TMPRSS15: variants seen among roughly 807,000 people sequenced by gnomAD.
TMPRSS15 encodes transmembrane serine protease 15.
Under a neutral mutation model 125.3 loss-of-function variants are expected in TMPRSS15, and 128 were observed. The observed-to-expected ratio is 1.02, with a 90% CI of 0.89 to 1.18. TMPRSS15 has a LOEUF of 1.18. Among genes scored for constraint, TMPRSS15 ranks in the 50% most tolerant of loss-of-function variants. The probability of loss-of-function intolerance (pLI) is 0.00; values close to 1 mark genes in which losing one functional copy is unlikely to be tolerated. For synonymous variants in TMPRSS15, 446 were observed against 423.2 expected (o/e 1.05, Z -0.66); for missense variants, 1,283 against 1,212.7 (o/e 1.06, Z -0.86).
Position 18,326,583 on chromosome 21 carries a change from G to A in TMPRSS15, c.1781-11C>T. ...GCCCTGTGTACACAGCTGTTCCAAA[G>A]GAAAACGAGATAATCAGTGAGATGA... On this transcript the variant is annotated splice_polypyrimidine_tract_variant and intron_variant, in intron 15 of 24. Transcript: ENST00000284885. 6.2e-7 allele frequency: 1 copy of A among 1,614,022 alleles called. No homozygotes were observed. The highest frequency in any genetic ancestry group is 2.2e-5 in the East Asian group (1 of 44,868).
intron 22 of TMPRSS15, among the ~76,000 whole-genome samples, chr21:18,279,582 C>T (rs1253740313): frequency 6.6e-6 from 1 of 151,542 alleles, no homozygotes; most frequent in Non-Finnish European, 1.5e-5. Flanking sequence ...GATCTGCCCA[C>T]CTCGGCCTCC....
chr21:18,314,908 A>G (rs2075145050), intron 17 of TMPRSS15, among the ~76,000 whole-genome samples: 1 of 152,116 alleles, frequency 6.6e-6, no homozygotes, highest in Admixed American at 6.6e-5. Flanking sequence ...GTTGCTCTAG[A>G]ATTACAGTTA....
rs1279395521 is a variant in TMPRSS15 at position 18,315,084 on chromosome 21, A to G, written c.2032+62T>C. ...GACACAGTTATAATCTTTCTTTGAC[A>G]CTGTAGAGTCCAAATGCAGAGGCTA... On this transcript the variant is annotated intron_variant, in intron 17 of 24. Transcript: ENST00000284885. The G allele has an allele frequency of 3.1e-6, 4 of 1,274,718 alleles. No homozygotes were observed. In the Admixed American group the frequency reaches 6.7e-5, roughly 21 times the overall value. 79.0% of individuals were successfully genotyped at this position (1,274,718 alleles called of 1,614,324 possible). A position where few individuals can be genotyped will look rare whatever the true frequency, so the allele number is the denominator to read the frequency against.
intron 16 of TMPRSS15, among the ~76,000 whole-genome samples, chr21:18,322,658 T>C (rs2075251094): frequency 1.3e-5 from 2 of 152,176 alleles, no homozygotes; most frequent in African/African-American, 2.4e-5. Flanking sequence ...CTCATTCATA[T>C]GTGGGAGCTA....
At chr21:18,383,466 C>T (rs895996829) in intron 4 of TMPRSS15, among the ~76,000 whole-genome samples, 161 bp downstream of exon 4, 2 of 152,126 alleles carry the variant, frequency 1.3e-5, no homozygotes, top group African/African-American at 2.4e-5. Context: ...TCTTCAAATG[C>T]GGTTTCTTCA....
At chr21:18,352,375 G>A (rs1038843871) in intron 10 of TMPRSS15, among the ~76,000 whole-genome samples, 1 of 152,042 alleles carries the variant, frequency 6.6e-6, no homozygotes, top group Non-Finnish European at 1.5e-5. Flanking sequence ...CTCAGAAGAA[G>A]CAAGTCTATC....
intron 1 of TMPRSS15, among the ~76,000 whole-genome samples, chr21:18,448,420 C>T (rs2076260076): frequency 6.6e-6 from 1 of 152,090 alleles, no homozygotes; most frequent in Non-Finnish European, 1.5e-5. Context: ...ACTAAGGAAA[C>T]TTTCTTCACA....
At chr21:18,371,152 T>C (rs1160141979) in intron 6 of TMPRSS15, among the ~76,000 whole-genome samples, 5 of 152,146 alleles carry the variant, frequency 3.3e-5, no homozygotes, top group Admixed American at 6.5e-5. Context: ...ATATCTACTA[T>C]GTTTTTTCCT....
chr21:18,453,478 G>A (rs570400492), intron 1 of TMPRSS15, among the ~76,000 whole-genome samples: 11 of 152,266 alleles, frequency 7.2e-5, no homozygotes, highest in African/African-American at 2.6e-4. Flanking sequence ...ATGGAAGCTG[G>A]CAAATACAAA....
chr21:18,349,014 T>G (rs7279876), intron 10 of TMPRSS15, among the ~76,000 whole-genome samples: 50,781 of 152,014 alleles, frequency 0.33, 8,713 homozygotes, highest in African/African-American at 0.37. Context: ...GAAACTTGCC[T>G]AAATGGCAGG....
intron 18 of TMPRSS15, among the ~76,000 whole-genome samples, chr21:18,305,423 C>T (rs1458802368): frequency 2.0e-5 from 3 of 152,050 alleles, no homozygotes; most frequent in Non-Finnish European, 4.4e-5. Flanking sequence ...CTCCTGACCT[C>T]GTGATCCGCC....
chr21:18,453,307 G>A (rs967585505), intron 1 of TMPRSS15, among the ~76,000 whole-genome samples: 3 of 152,198 alleles, frequency 2.0e-5, no homozygotes, highest in East Asian at 1.9e-4. Flanking sequence ...TCATAAACAC[G>A]TGTCATGCTC....
chr21:18,316,311 C>T (rs1020710474), intron 16 of TMPRSS15, among the ~76,000 whole-genome samples: 3 of 152,144 alleles, frequency 2.0e-5, no homozygotes, highest in Non-Finnish European at 4.4e-5. Context: ...CCACCCCAAA[C>T]GAACATACAA....
intron 1 of TMPRSS15, among the ~76,000 whole-genome samples, chr21:18,461,435 C>G (rs1978549076): frequency 1.3e-5 from 2 of 151,962 alleles, no homozygotes; most frequent in South Asian, 4.2e-4. Flanking sequence ...TGAGCAAAAT[C>G]CCTAGTGTTT....
At chr21:18,299,310 T>C (rs1206859881) in intron 18 of TMPRSS15, among the ~76,000 whole-genome samples, 1 of 152,204 alleles carries the variant, frequency 6.6e-6, no homozygotes, top group African/African-American at 2.4e-5. Flanking sequence ...CATGAAGAAC[T>C]TCACAGATGC....
chr21:18,450,838 T>A (rs1050947103), intron 1 of TMPRSS15, among the ~76,000 whole-genome samples: 1 of 152,138 alleles, frequency 6.6e-6, no homozygotes, highest in South Asian at 2.1e-4. Context: ...GAAGCAGAGG[T>A]AAATGCAAGC....
chr21:18,309,347 G>A (rs1392695599), intron 18 of TMPRSS15, among the ~76,000 whole-genome samples: 1 of 152,120 alleles, frequency 6.6e-6, no homozygotes, highest in African/African-American at 2.4e-5. Context: ...ATAGGCATGG[G>A]CAAAGACTTC....
intron 3 of TMPRSS15, 127 bp from the exon 4 acceptor site, chr21:18,383,905 T>A: frequency 9.2e-7 from 1 of 1,089,572 alleles, no homozygotes; most frequent in Non-Finnish European, 1.3e-6. Context: ...TATACCTGTG[T>A]AAGGTAGTCA....
chr21:18,275,054 C>T (rs574862328), intron 24 of TMPRSS15, 143 bp downstream of exon 24: 234 of 1,107,682 alleles, frequency 2.1e-4, no homozygotes, highest in Non-Finnish European at 2.7e-4. Flanking sequence ...AAGAGGATTA[C>T]GCAAATAGGC....
Sources: allele counts gnomAD v4.1 joint callset (sites outside exome capture counted in the v4.1 genomes callset), GRCh38; gene constraint gnomAD v4.1.1; transcripts MANE v1.5; gene names NCBI Gene and HGNC (gene_info 2026-07-23, HGNC 2026-07-21).